Variants in MRRF observed in about 807,000 individuals in gnomAD.
MRRF encodes mitochondrial ribosome recycling factor.
A neutral mutation model predicts 25.1 loss-of-function variants in MRRF; 18 were observed. The observed-to-expected ratio is 0.72, with a 90% CI of 0.50 to 1.06. The LOEUF is 1.06. Ranked by LOEUF, MRRF falls within the 50% of genes least tolerant of loss-of-function variation. The pLI is 0.00. For synonymous variants in MRRF, 113 were observed against 112.1 expected (o/e 1.01, Z -0.05); for missense variants, 323 against 319.3 (o/e 1.01, Z -0.09).
At chr9:122,298,262 A>G (rs1279747470) in intron 5 of MRRF, among the ~76,000 whole-genome samples, 1 of 152,204 alleles carries the variant, frequency 6.6e-6, no homozygotes, top group Non-Finnish European at 1.5e-5. Flanking sequence ...TAATAACCCA[A>G]ACTATGTGGA....
At chr9:122,271,106 A>C (rs566390665) in intron 2 of MRRF, 31 bp downstream of exon 2, 2 of 1,586,426 alleles carry the variant, frequency 1.3e-6, no homozygotes, top group African/African-American at 2.7e-5. Flanking sequence ...CTCCTACTTC[A>C]CCCCTTTCTT....
chr9:122,314,390 A>G (rs1835384501), intron 6 of MRRF, among the ~76,000 whole-genome samples: 1 of 152,200 alleles, frequency 6.6e-6, no homozygotes, highest in Non-Finnish European at 1.5e-5. Flanking sequence ...GTCACATTTG[A>G]TTGGCCAAAG....
chr9:122,265,696 C>G (rs1162634495), intron 1 of MRRF: 1 of 1,179,626 alleles, frequency 8.5e-7, no homozygotes, highest in African/African-American at 1.6e-5. Context: ...TGGTACAAGT[C>G]ACAAGTCAGT....
intron 1 of MRRF, among the ~76,000 whole-genome samples, chr9:122,268,332 G>T (rs1350951370): frequency 6.6e-6 from 1 of 152,246 alleles, no homozygotes; most frequent in East Asian, 1.9e-4. Flanking sequence ...TTTGTGAGTT[G>T]GTATTATGAC....
intron 2 of MRRF, among the ~76,000 whole-genome samples, chr9:122,277,918 T>C (rs61684071): frequency 1.3e-5 from 2 of 151,810 alleles, no homozygotes; most frequent in Non-Finnish European, 2.9e-5. Context: ...TATTTAAAAA[T>C]TTTTTTTATT....
At position 122,323,088 on chromosome 9, in the gene MRRF, A is replaced by G. The variant is rs1332401335; in HGVS notation, c.*471A>G. The G allele has an allele frequency of 2.8e-5, 6 of 217,124 alleles. No individual in the cohort carries two copies. In the East Asian group the frequency reaches 5.1e-4, roughly 19 times the overall value. The allele number at this position is 217,124 out of a possible 1,614,324, so 13.4% of individuals were successfully genotyped here. On this transcript the variant is annotated 3_prime_UTR_variant, in exon 7 of 7. Transcript: ENST00000344641. Reference sequence around the variant, plus strand: ...AGGAATAACAACCACAAAGGAAAGAATAGAGTTGGTCTGGATTGATGATCA... The same window carrying G: ...AGGAATAACAACCACAAAGGAAAGAGTAGAGTTGGTCTGGATTGATGATCA...
chr9:122,312,143 A>G (rs1835242151), intron 5 of MRRF, among the ~76,000 whole-genome samples: 1 of 152,196 alleles, frequency 6.6e-6, no homozygotes, highest in Non-Finnish European at 1.5e-5. Flanking sequence ...CAAGAGTAAA[A>G]AGAATACAGG....
chr9:122,268,422 A>AT (rs1203263644), intron 1 of MRRF, among the ~76,000 whole-genome samples: 5 of 152,196 alleles, frequency 3.3e-5, no homozygotes, highest in African/African-American at 1.2e-4. Context: ...AAATCTACTC[A>AT]TTATTCTACA....
At chr9:122,285,362 G>A (rs1313226935) in intron 4 of MRRF, 75 bp downstream of exon 4, 4 of 894,488 alleles carry the variant, frequency 4.5e-6, no homozygotes, top group South Asian at 1.3e-5. Flanking sequence ...TCAGGAGGAA[G>A]TGTTCCTTCA....
chr9:122,319,271 C>T (rs1484396866), intron 6 of MRRF, among the ~76,000 whole-genome samples: 1 of 151,894 alleles, frequency 6.6e-6, no homozygotes, highest in Non-Finnish European at 1.5e-5. Context: ...CTGCCCCAGC[C>T]TCCCCAGTAG....
intron 5 of MRRF, among the ~76,000 whole-genome samples, chr9:122,292,335 A>C (rs1253967911): frequency 6.6e-6 from 1 of 152,132 alleles, no homozygotes; most frequent in African/African-American, 2.4e-5. Flanking sequence ...GTTTGAAAAG[A>C]CCTTGACACT....
At position 122,323,171 on chromosome 9, in the gene MRRF, C is replaced by T. The variant is rs1835988280; in HGVS notation, c.*554C>T. On this transcript the variant is annotated 3_prime_UTR_variant, in exon 7 of 7. Transcript: ENST00000344641. ...TAGTTTTGCCTGTGAGTCGTCTTCA[C>T]ACATGCTGTTTTCTCTGCCTGGCTC... 1 of 161,692 alleles carries T rather than the reference C, an allele frequency of 6.2e-6. No homozygotes were observed. The highest frequency in any genetic ancestry group is 1.4e-5 in the Non-Finnish European group (1 of 72,848). 10.0% of individuals were successfully genotyped at this position (161,692 alleles called of 1,614,324 possible).
At chr9:122,279,078 G>A (rs1185687971) in intron 2 of MRRF, among the ~76,000 whole-genome samples, 1 of 151,976 alleles carries the variant, frequency 6.6e-6, no homozygotes, top group East Asian at 1.9e-4. Context: ...TCACCATTTT[G>A]GTCAGGCTGA....
chr9:122,318,667 TG>T (rs1298773541), intron 6 of MRRF, among the ~76,000 whole-genome samples: 3 of 152,190 alleles, frequency 2.0e-5, no homozygotes, highest in Admixed American at 2.0e-4. Context: ...AAGTAGCAAA[TG>T]TGATGATGAT....
rs1833579096 is a variant in MRRF, at chr9:122,288,932, A to G, written c.460-2817A>G. Among the ~76,000 whole-genome samples, 3 of 152,172 alleles carry G rather than the reference A, an allele frequency of 2.0e-5. No homozygotes were observed. In the South Asian group the frequency reaches 6.2e-4, roughly 31 times the overall value. On this transcript the variant is annotated intron_variant, in intron 4 of 6. Transcript: ENST00000344641. ...GCAGCCACAACCAGTTAGTTATGTCATCATTTGAGAGCAACCTGTTTGCCC... is the reference window on the plus strand; with the variant it reads ...GCAGCCACAACCAGTTAGTTATGTCGTCATTTGAGAGCAACCTGTTTGCCC...
In MRRF at chr9:122,264,906, C is replaced by G. The variant is rs1199492295; in HGVS notation, c.-61C>G. 1 of 153,186 alleles carries G rather than the reference C, an allele frequency of 6.5e-6. No homozygotes were observed. The highest frequency in any genetic ancestry group is 1.5e-5 in the Non-Finnish European group (1 of 68,104). 9.5% of individuals were successfully genotyped at this position (153,186 alleles called of 1,614,324 possible). A position where few individuals can be genotyped will look rare whatever the true frequency, so the allele number is the denominator to read the frequency against. On this transcript the variant is annotated 5_prime_UTR_variant, in exon 1 of 7. Transcript: ENST00000344641. ...CGCAGCTGCGGTCGCCGCCGTCGCA[C>G]GAGTCTTTCCTTAGTAACCTGGGCG...
intron 5 of MRRF, among the ~76,000 whole-genome samples, chr9:122,302,452 A>T (rs1422676971): frequency 6.6e-6 from 1 of 152,176 alleles, no homozygotes; most frequent in Admixed American, 6.5e-5. Context: ...GTGGAGTCAC[A>T]CGATATGTGG....
At chr9:122,266,947 G>A (rs536253652) in intron 1 of MRRF, among the ~76,000 whole-genome samples, 1 of 152,142 alleles carries the variant, frequency 6.6e-6, no homozygotes, top group African/African-American at 2.4e-5. Context: ...GCGCACGCCT[G>A]TAATCCCAGC....
chr9:122,267,145 G>A lies in MRRF; in HGVS notation c.-29+2207G>A, dbSNP rs534455144. 4.6e-5 allele frequency among the ~76,000 whole-genome samples: 7 copies of A among 151,034 alleles called. No individual in the cohort carries two copies. The South Asian group carries it at 8.4e-4, about 18-fold the overall frequency. On this transcript the variant is annotated intron_variant, in intron 1 of 6. Coordinates refer to ENST00000344641, the MANE Select transcript of MRRF (RefSeq NM_138777.5). ...GGTAATCCCAGCACTTTGGGAGGCC[G>A]AGGCGGGCAGATCACCTGAGGTAAG... is the stretch of plus-strand genomic sequence containing the variant.
Sources: gnomAD v4.1 joint callset for allele counts (sites outside exome capture counted in the v4.1 genomes callset) on GRCh38, gnomAD v4.1.1 for gene constraint, MANE v1.5 for transcripts, NCBI Gene and HGNC (gene_info 2026-07-23, HGNC 2026-07-21) for gene names.